TYW1: variants seen among roughly 807,000 people sequenced by gnomAD.
TYW1 encodes S-adenosyl-L-methionine-dependent tRNA 4-demethylwyosine synthase TYW1.
A neutral mutation model predicts 96.2 loss-of-function variants in TYW1; 46 were observed. That is an observed-to-expected ratio of 0.48 (90% CI 0.38 to 0.61). TYW1 has a LOEUF of 0.61. TYW1 is among the 20% of genes least tolerant of loss of function. The probability of loss-of-function intolerance (pLI) is 0.00; values close to 1 mark genes in which losing one functional copy is unlikely to be tolerated. For synonymous variants in TYW1, 274 were observed against 323.0 expected, an observed-to-expected ratio of 0.85 and a Z score of 1.63; for missense variants, 684 against 909.6, an observed-to-expected ratio of 0.75 and a Z score of 3.19.
chr7:67,038,166 G>C (rs1363328198), intron 7 of TYW1, among the ~76,000 whole-genome samples: 1 of 152,088 alleles, frequency 6.6e-6, no homozygotes, highest in Non-Finnish European at 1.5e-5. Context: ...AGCCTGGCGT[G>C]GTGGCAGATG....
At chr7:67,080,956 TTTTTTTTTTTTGCA>T (rs1796372468) in intron 10 of TYW1, among the ~76,000 whole-genome samples, 1 of 145,294 alleles carries the variant, frequency 6.9e-6, no homozygotes, top group African/African-American at 2.6e-5. Flanking sequence ...TTTTTTTTTT[TTTTTTTTTTTTGCA>T]GTTTGGTGGT....
intron 5 of TYW1, among the ~76,000 whole-genome samples, chr7:67,016,628 TA>T (rs1251683760): frequency 2.6e-5 from 4 of 152,216 alleles, no homozygotes; most frequent in Admixed American, 2.6e-4. Context: ...ATATTTTCAT[TA>T]AAAACATTTT....
At chr7:67,087,457 C>T (rs771709395) in intron 11 of TYW1, among the ~76,000 whole-genome samples, 3 of 152,124 alleles carry the variant, frequency 2.0e-5, no homozygotes, top group Non-Finnish European at 2.9e-5. Context: ...TCTATGGATG[C>T]GTGAATCCTG....
intron 13 of TYW1, among the ~76,000 whole-genome samples, chr7:67,143,110 G>A (rs558107631): frequency 1.3e-5 from 2 of 150,576 alleles, no homozygotes; most frequent in South Asian, 2.1e-4. Flanking sequence ...AATAATTTTT[G>A]TGTATAAATG....
chr7:67,164,684 C>CA (rs140831379), intron 13 of TYW1, among the ~76,000 whole-genome samples: 42,554 of 151,436 alleles, frequency 0.28, 6,494 homozygotes, highest in African/African-American at 0.4. Context: ...GAACGAGGTA[C>CA]AAAAAATAAG....
At chr7:67,106,467 C>T (rs1457480560) in intron 12 of TYW1, among the ~76,000 whole-genome samples, 1 of 152,094 alleles carries the variant, frequency 6.6e-6, no homozygotes, top group African/African-American at 2.4e-5. Flanking sequence ...GCTGACGACA[C>T]CTTGTAAAAG....
Position 67,229,297 on chromosome 7 carries a change from G to A in TYW1, c.1978-9011G>A, listed in dbSNP as rs532577011. On this transcript the variant is annotated intron_variant, in intron 15 of 15. Coordinates refer to ENST00000359626, the MANE Select transcript of TYW1 (RefSeq NM_018264.4). Reference sequence around the variant, plus strand: ...TCATGCCTGTAATCCTAGCACTTTGGGAGGCTGAGGCGGGCGGATCACCTG... The same window carrying A: ...TCATGCCTGTAATCCTAGCACTTTGAGAGGCTGAGGCGGGCGGATCACCTG... 6.3e-4 allele frequency among the ~76,000 whole-genome samples: 96 copies of A among 152,240 alleles called. 2 individuals carry two copies. In the South Asian group the frequency reaches 0.019, roughly 30 times the overall value.
chr7:67,232,716 A>G lies in TYW1; in HGVS notation c.1978-5592A>G, dbSNP rs563313160. ...GTCTTCTCATTTTCTGCAGCTTGCA[A>G]TGGTCCCTGGTGGTCCAGAAACAGG... On this transcript the variant is annotated intron_variant, in intron 15 of 15. Coordinates refer to ENST00000359626, the MANE Select transcript of TYW1 (RefSeq NM_018264.4). Among the ~76,000 whole-genome samples the G allele has an allele frequency of 1.1e-4, 12 of 113,898 alleles. 3 individuals carry two copies. The South Asian group carries it at 1.3e-3, about 12-fold the overall frequency. The allele number at this position is 113,898 out of a possible 152,430, so 74.7% of individuals were successfully genotyped here.
At chr7:67,202,724 C>T (rs1485557188) in intron 15 of TYW1, among the ~76,000 whole-genome samples, 1 of 152,096 alleles carries the variant, frequency 6.6e-6, no homozygotes, top group Non-Finnish European at 1.5e-5. Flanking sequence ...AATCCCGGGA[C>T]TTCTGAAAGA....
At chr7:67,210,898 ATCTG>A (rs1333086626) in intron 15 of TYW1, among the ~76,000 whole-genome samples, 6,790 of 133,104 alleles carry the variant, frequency 0.051, 287 homozygotes, top group African/African-American at 0.11. Flanking sequence ...CCATCTATCC[ATCTG>A]TCCATCCATC....
At chr7:67,166,488 G>T (rs991869436) in intron 13 of TYW1, among the ~76,000 whole-genome samples, 24 of 151,270 alleles carry the variant, frequency 1.6e-4, no homozygotes, top group Admixed American at 2.6e-4. Flanking sequence ...AATAGCTCAA[G>T]AAATAGAACG....
intron 13 of TYW1, among the ~76,000 whole-genome samples, chr7:67,118,440 A>G (rs1336966895): frequency 1.3e-5 from 2 of 152,158 alleles, no homozygotes; most frequent in Admixed American, 6.5e-5. Flanking sequence ...TATGTAGTAC[A>G]ATGTAAATGC....
intron 7 of TYW1, among the ~76,000 whole-genome samples, chr7:67,040,000 A>G (rs1794964402): frequency 6.8e-6 from 1 of 146,876 alleles, no homozygotes; most frequent in African/African-American, 2.5e-5. Context: ...TGTGTCACCT[A>G]GGCTGGAGTG....
At chr7:67,094,101 T>C (rs973501064) in intron 11 of TYW1, among the ~76,000 whole-genome samples, 6 of 152,078 alleles carry the variant, frequency 3.9e-5, no homozygotes, top group Admixed American at 2.6e-4. Context: ...GTGTGATATT[T>C]GATGTTCTGT....
intron 3 of TYW1, among the ~76,000 whole-genome samples, chr7:67,003,723 T>G (rs1468973996): frequency 6.6e-6 from 1 of 152,228 alleles, no homozygotes; most frequent in East Asian, 1.9e-4. Flanking sequence ...GTTGTATTTT[T>G]TGTAGAATCT....
intron 13 of TYW1, among the ~76,000 whole-genome samples, chr7:67,135,404 A>T (rs1798220211): frequency 6.8e-6 from 1 of 146,552 alleles, no homozygotes; most frequent in African/African-American, 2.6e-5. Flanking sequence ...TCCTGGGTTC[A>T]AGCGATCCTC....
chr7:67,011,056 T>A (rs1226642578), intron 4 of TYW1, among the ~76,000 whole-genome samples: 3 of 151,996 alleles, frequency 2.0e-5, no homozygotes, highest in African/African-American at 7.3e-5. Flanking sequence ...TCTTTTTTTT[T>A]AATGGAGTTT....
Position 67,133,600 on chromosome 7 carries a change from G to A in TYW1, c.1698+15982G>A, listed in dbSNP as rs1354188760. ...GTTGTCCCAGGTACTTGGCGGCTGAGCGAGTTTCCATCTCAAAAAAAAAAA... is the reference window on the plus strand; with the variant it reads ...GTTGTCCCAGGTACTTGGCGGCTGAACGAGTTTCCATCTCAAAAAAAAAAA... On this transcript the variant is annotated intron_variant, in intron 13 of 15. Transcript: ENST00000359626. 2.2e-5 allele frequency among the ~76,000 whole-genome samples: 3 copies of A among 138,868 alleles called. No homozygotes were observed. The East Asian group carries it at 6.0e-4, about 28-fold the overall frequency. The allele number at this position is 138,868 out of a possible 152,430, so 91.1% of individuals were successfully genotyped here.
At chr7:67,135,477 G>C (rs1452442944) in intron 13 of TYW1, among the ~76,000 whole-genome samples, 1 of 151,326 alleles carries the variant, frequency 6.6e-6, no homozygotes, top group Non-Finnish European at 1.5e-5. Flanking sequence ...CTATTTTTTT[G>C]TATTTTAGTA....
Sources: allele counts gnomAD v4.1 joint callset (sites outside exome capture counted in the v4.1 genomes callset), GRCh38; gene constraint gnomAD v4.1.1; transcripts MANE v1.5; gene names NCBI Gene and HGNC (gene_info 2026-07-23, HGNC 2026-07-21).